The following CACNA2D3 variants were observed in gnomAD, a reference collection of about 807,000 sequenced individuals.
CACNA2D3 encodes the protein voltage-dependent calcium channel subunit alpha-2/delta-3.
A neutral mutation model predicts 160.6 loss-of-function variants in CACNA2D3; 60 were observed. The observed-to-expected ratio is 0.37, with a 90% CI of 0.30 to 0.46. The LOEUF is 0.46. CACNA2D3 is among the 20% of genes least tolerant of loss of function. The pLI is 1.00. For missense variants in CACNA2D3, 1,205 were observed against 1,365.0 expected (o/e 0.88, Z 1.85); for synonymous variants, 558 against 492.9 (o/e 1.13, Z -1.75).
chr3:54,163,885 C>G (rs1700397877), intron 2 of CACNA2D3, among the ~76,000 whole-genome samples: 1 of 152,136 alleles, frequency 6.6e-6, no homozygotes, highest in Admixed American at 6.5e-5. Context: ...CTACACAGAC[C>G]ACATGGTCTT....
At chr3:54,434,877 C>T (rs559534566) in intron 4 of CACNA2D3, among the ~76,000 whole-genome samples, 12 of 152,228 alleles carry the variant, frequency 7.9e-5, no homozygotes, top group Middle Eastern at 3.4e-3. Flanking sequence ...CTGTGCTAGG[C>T]GGCCTTATCT....
chr3:54,781,706 T>C (rs951042828), intron 13 of CACNA2D3, among the ~76,000 whole-genome samples: 3 of 152,266 alleles, frequency 2.0e-5, no homozygotes, highest in Non-Finnish European at 2.9e-5. Context: ...AGTGAGGCTG[T>C]AACAAGTCTC....
At chr3:54,805,704 A>C (rs903374483) in intron 13 of CACNA2D3, among the ~76,000 whole-genome samples, 7 of 152,246 alleles carry the variant, frequency 4.6e-5, no homozygotes, top group African/African-American at 7.2e-5. Context: ...TCATTTTATG[A>C]GGCCAGCATC....
At chr3:55,005,874 T>C (rs1044222590) in intron 32 of CACNA2D3, among the ~76,000 whole-genome samples, 3 of 152,348 alleles carry the variant, frequency 2.0e-5, no homozygotes, top group Admixed American at 6.5e-5. Context: ...CCTAAAATTT[T>C]GTTTGAAACA....
In CACNA2D3 at chr3:55,073,575, G is replaced by C; in HGVS notation, c.3100+18G>C. 6.3e-7 allele frequency: 1 copy of C among 1,587,584 alleles called. No individual in the cohort carries two copies. The highest frequency in any genetic ancestry group is 8.7e-7 in the Non-Finnish European group (1 of 1,155,952). ...AATCAGGTATATCCTTTTGTGTGCAGGTCCACTCACTACCACGGAAACCAG... is the reference window on the plus strand; with the variant it reads ...AATCAGGTATATCCTTTTGTGTGCACGTCCACTCACTACCACGGAAACCAG... On this transcript the variant is annotated intron_variant, in intron 36 of 37. Coordinates refer to ENST00000474759, the MANE Select transcript of CACNA2D3 (RefSeq NM_018398.3).
intron 2 of CACNA2D3, among the ~76,000 whole-genome samples, chr3:54,285,263 C>T (rs7430288): frequency 0.28 from 42,987 of 152,054 alleles, 6,329 homozygotes; most frequent in East Asian, 0.39. Flanking sequence ...GCTTAAAAAA[C>T]GGCACACCAG....
chr3:54,340,594 T>C (rs1704495982), intron 3 of CACNA2D3, among the ~76,000 whole-genome samples: 2 of 152,214 alleles, frequency 1.3e-5, no homozygotes, highest in Non-Finnish European at 2.9e-5. Flanking sequence ...TGGTGTTCCA[T>C]GGTGTGGAAG....
At chr3:54,188,225 T>G (rs1700911984) in intron 2 of CACNA2D3, among the ~76,000 whole-genome samples, 1 of 140,672 alleles carries the variant, frequency 7.1e-6, no homozygotes, top group African/African-American at 2.6e-5. Context: ...AAGGGAGAAC[T>G]TAAAAACAAA....
chr3:54,898,259 G>C (rs4955905), intron 26 of CACNA2D3, among the ~76,000 whole-genome samples: 62,810 of 137,890 alleles, frequency 0.46, 15,053 homozygotes, highest in East Asian at 0.8. Flanking sequence ...GTCTTGCTCC[G>C]TCACCCAGGT....
At chr3:54,626,291 A>C in intron 9 of CACNA2D3, 1 of 1,502,862 alleles carries the variant, frequency 6.7e-7, no homozygotes, top group East Asian at 2.4e-5. Context: ...CAGCTGCTGG[A>C]CATGTCCTAC....
At chr3:54,914,881 C>T (rs144933544) in intron 27 of CACNA2D3, among the ~76,000 whole-genome samples, 1 of 152,148 alleles carries the variant, frequency 6.6e-6, no homozygotes, top group Non-Finnish European at 1.5e-5. Context: ...ATTTCCTGAC[C>T]TGCAATAGAA....
intron 14 of CACNA2D3, among the ~76,000 whole-genome samples, chr3:54,817,101 G>A (rs571501970): frequency 6.6e-6 from 1 of 152,302 alleles, no homozygotes; most frequent in African/African-American, 2.4e-5. Context: ...ATTGGGAGGT[G>A]AATCTGTGCC....
At chr3:55,042,198 A>G (rs1252240188) in intron 35 of CACNA2D3, among the ~76,000 whole-genome samples, 1 of 152,114 alleles carries the variant, frequency 6.6e-6, no homozygotes, top group African/African-American at 2.4e-5. Context: ...CTGTATTCTA[A>G]TTTATTTATG....
chr3:54,333,872 G>A (rs2107520177), intron 3 of CACNA2D3, among the ~76,000 whole-genome samples: 1 of 152,352 alleles, frequency 6.6e-6, no homozygotes, highest in Middle Eastern at 3.4e-3. Context: ...CTCCAAGCTT[G>A]TGTCCCATTG....
intron 11 of CACNA2D3, among the ~76,000 whole-genome samples, chr3:54,731,978 A>G (rs1361681518): frequency 1.3e-5 from 2 of 152,010 alleles, no homozygotes; most frequent in Non-Finnish European, 2.9e-5. Flanking sequence ...TTTCCCTCTT[A>G]TCTTCATTTA....
intron 13 of CACNA2D3, among the ~76,000 whole-genome samples, chr3:54,782,574 G>A (rs947788792): frequency 6.6e-6 from 1 of 152,050 alleles, no homozygotes; most frequent in Non-Finnish European, 1.5e-5. Flanking sequence ...ACTGGGCCAT[G>A]CATGTGTTTC....
At chr3:54,452,549 C>G (rs1700326656) in intron 4 of CACNA2D3, among the ~76,000 whole-genome samples, 3 of 152,190 alleles carry the variant, frequency 2.0e-5, no homozygotes, top group Admixed American at 2.0e-4. Flanking sequence ...CTCTTTAAAG[C>G]AACCTAGGCT....
chr3:54,300,215 G>T (rs1703442115), intron 2 of CACNA2D3, among the ~76,000 whole-genome samples: 1 of 152,172 alleles, frequency 6.6e-6, no homozygotes, highest in South Asian at 2.1e-4. Flanking sequence ...CATTTTTGTT[G>T]TCTACAGAGG....
chr3:54,144,233 CA>C (rs1483050153), intron 2 of CACNA2D3, among the ~76,000 whole-genome samples: 1 of 152,214 alleles, frequency 6.6e-6, no homozygotes, highest in Non-Finnish European at 1.5e-5. Context: ...GTTCTGGCTA[CA>C]AAACATTTCC....
Sources: allele counts gnomAD v4.1 joint callset (sites outside exome capture counted in the v4.1 genomes callset), GRCh38; gene constraint gnomAD v4.1.1; transcripts MANE v1.5; gene names NCBI Gene and HGNC (gene_info 2026-07-23, HGNC 2026-07-21).